Variants in TRIM34 observed in about 807,000 individuals in gnomAD.
TRIM34 encodes E3 ubiquitin-protein ligase TRIM34.
In TRIM34, 41 loss-of-function variants were observed where a neutral mutation model predicts 38.1. That is an observed-to-expected ratio of 1.08 (90% CI 0.84 to 1.40). The LOEUF (loss-of-function observed/expected upper bound fraction) is 1.40, where lower values mean the gene tolerates loss of function less well. Ranked by LOEUF, TRIM34 falls within the 40% of genes most tolerant of loss-of-function variation. TRIM34 has a pLI of 0.00. For missense variants in TRIM34, 556 were observed against 571.4 expected, an observed-to-expected ratio of 0.97 and a Z score of 0.27; for synonymous variants, 200 against 202.5, an observed-to-expected ratio of 0.99 and a Z score of 0.10.
At position 5,633,788 on chromosome 11, in the gene TRIM34, G is replaced by T. The variant is rs762930263; in HGVS notation, c.424-16G>T. ...AAAGCTTATAGCTTGACTGTAGTGTGATTCCCTTCTCATAGGAGAAACTCC... is the reference window on the plus strand; with the variant it reads ...AAAGCTTATAGCTTGACTGTAGTGTTATTCCCTTCTCATAGGAGAAACTCC... On this transcript the variant is annotated splice_polypyrimidine_tract_variant and intron_variant, in intron 2 of 7. Transcript: ENST00000429814. 1.6e-5 allele frequency: 26 copies of T among 1,611,788 alleles called. No individual in the cohort carries two copies. The highest frequency in any genetic ancestry group is 1.7e-4 in the Middle Eastern group (1 of 6,042).
At chr11:5,623,308 G>GGTTC (rs1849061018), upstream of TRIM34, among the ~76,000 whole-genome samples, 2 of 151,776 alleles carry the variant, frequency 1.3e-5, no homozygotes. Flanking sequence ...AAAGTATTAG[G>GGTTC]TTGGTACAAA....
At chr11:5,621,058 G>A (rs1406672719), upstream of TRIM34, among the ~76,000 whole-genome samples, 1 of 152,178 alleles carries the variant, frequency 6.6e-6, no homozygotes, top group African/African-American at 2.4e-5. Flanking sequence ...GTTTCTCTAT[G>A]TGTAGACACA....
intron 2 of TRIM34, 137 bp downstream of exon 2, chr11:5,632,891 C>T: frequency 1.7e-6 from 2 of 1,201,776 alleles, no homozygotes; most frequent in Non-Finnish European, 2.1e-6. Context: ...CAGTGGCGTG[C>T]TCTCGGCTCA....
intron 1 of TRIM34, among the ~76,000 whole-genome samples, chr11:5,627,708 T>C (rs1849306673): frequency 6.6e-6 from 1 of 152,130 alleles, no homozygotes. Flanking sequence ...CACAGAGGAA[T>C]GGGGAGGAGA....
At chr11:5,630,575 G>A (rs777648853) in intron 1 of TRIM34, among the ~76,000 whole-genome samples, 12 of 151,778 alleles carry the variant, frequency 7.9e-5, no homozygotes, top group Non-Finnish European at 1.5e-4. Context: ...CTCCATGAAC[G>A]GGGCATTCAC....
chr11:5,640,326 T>C (rs1849952687), intron 4 of TRIM34, among the ~76,000 whole-genome samples: 1 of 151,096 alleles, frequency 6.6e-6, no homozygotes, highest in Non-Finnish European at 1.5e-5. Flanking sequence ...CCTGTTTTGT[T>C]TTGTTTTTTT....
intron 4 of TRIM34, among the ~76,000 whole-genome samples, chr11:5,635,654 C>T (rs1465202042): frequency 6.6e-6 from 1 of 152,130 alleles, no homozygotes; most frequent in African/African-American, 2.4e-5. Context: ...CCTTTCTTTG[C>T]TGAATTTCCA....
chr11:5,632,774 G>C lies in TRIM34; in HGVS notation c.423+20G>C. Reference sequence around the variant, plus strand: ...TGTCAGGTAGGGCCCTAGATGGAGGGAGATGGGGCAGAAGATGGTAGTTGG... The same window carrying C: ...TGTCAGGTAGGGCCCTAGATGGAGGCAGATGGGGCAGAAGATGGTAGTTGG... On this transcript the variant is annotated intron_variant, in intron 2 of 7. Transcript: ENST00000429814. 1 of 1,570,092 alleles carries C rather than the reference G, an allele frequency of 6.4e-7. No individual in the cohort carries two copies.
At chr11:5,625,916 T>C (rs556272321) in intron 1 of TRIM34, among the ~76,000 whole-genome samples, 1 of 152,402 alleles carries the variant, frequency 6.6e-6, no homozygotes, top group Admixed American at 6.5e-5. Flanking sequence ...TTGTTCATTG[T>C]GGGCTCAGAA....
intron 3 of TRIM34, 141 bp from the exon 4 acceptor site, chr11:5,634,490 A>AAC (rs1408037453): frequency 2.8e-6 from 1 of 358,322 alleles, no homozygotes; most frequent in Non-Finnish European, 4.1e-6. Context: ...AGATAATATA[A>AAC]ATACACACAC....
intron 4 of TRIM34, among the ~76,000 whole-genome samples, chr11:5,638,257 A>C (rs1054559627): frequency 1.3e-5 from 2 of 152,234 alleles, no homozygotes; most frequent in African/African-American, 4.8e-5. Context: ...AGTTGCTATC[A>C]ACTAAAATCT....
At chr11:5,629,103 C>T (rs771141735) in intron 1 of TRIM34, among the ~76,000 whole-genome samples, 2 of 152,024 alleles carry the variant, frequency 1.3e-5, no homozygotes, top group Non-Finnish European at 2.9e-5. Context: ...ATGGTGAAAC[C>T]CCGTCTCTAC....
In TRIM34 at chr11:5,634,835, C is replaced by A. The variant is rs756928577; in HGVS notation, c.724C>A (p.Gln242Lys). 1.9e-6 allele frequency: 3 copies of A among 1,612,940 alleles called. No individual in the cohort carries two copies. In the South Asian group the frequency reaches 3.3e-5, roughly 18 times the overall value. ...ELISDVECRS[Q>K]WSTMELLQDM... The stretch of plus-strand genomic sequence containing the variant: ...CATCTCAGATGTGGAGTGTCGGAGT[C>A]AGTGGTCAACAATGGAGCTGCTGCA... Residue 242 changes from glutamine to lysine, a missense_variant, in exon 4 of 8, where the codon CAG (glutamine) becomes AAG (lysine). Physicochemically the swap from Gln to Lys is moderately conservative, Grantham distance 53 (BLOSUM62 1). Coordinates refer to ENST00000429814, the MANE Select transcript of TRIM34 (RefSeq NM_021616.6).
upstream of TRIM34, among the ~76,000 whole-genome samples, chr11:5,621,054 C>G (rs1276283713): frequency 6.6e-6 from 1 of 152,208 alleles, no homozygotes; most frequent in Non-Finnish European, 1.5e-5. Context: ...GGCAGTTTCT[C>G]TATGTGTAGA....
At position 5,642,400 on chromosome 11, in the gene TRIM34, C is replaced by T; in HGVS notation, c.774-6C>T. The stretch of plus-strand genomic sequence containing the variant: ...GTGGGGGTCAAAAAATTTTTTTCAT[C>T]CCTAGGAGTGAGATCTGGAGGCTGA... On this transcript the variant is annotated splice_polypyrimidine_tract_variant and splice_region_variant and intron_variant, in intron 5 of 7. Coordinates refer to ENST00000429814, the MANE Select transcript of TRIM34 (RefSeq NM_021616.6). The T allele has an allele frequency of 6.2e-7, 1 of 1,611,192 alleles. No homozygotes were observed. Among genetic ancestry groups the T allele is most frequent in the Non-Finnish European group, 8.5e-7 (1 of 1,179,384 alleles).
At chr11:5,624,155 A>T (rs1227567897), upstream of TRIM34, among the ~76,000 whole-genome samples, 2 of 152,150 alleles carry the variant, frequency 1.3e-5, no homozygotes, top group Admixed American at 1.3e-4. Flanking sequence ...CAGGGCACAA[A>T]ACTCCTGATT....
At chr11:5,626,065 C>A (rs1438291047) in intron 1 of TRIM34, among the ~76,000 whole-genome samples, 2 of 152,158 alleles carry the variant, frequency 1.3e-5, no homozygotes, top group Non-Finnish European at 2.9e-5. Context: ...CTGCTCTCAC[C>A]CTTCAGAGTT....
intron 1 of TRIM34, among the ~76,000 whole-genome samples, chr11:5,625,966 T>C (rs1256357989): frequency 6.6e-6 from 1 of 152,270 alleles, no homozygotes; most frequent in African/African-American, 2.4e-5. Context: ...GAATTTGATA[T>C]AGAGTATGTC....
chr11:5,627,652 G>A (rs1184035993), intron 1 of TRIM34, among the ~76,000 whole-genome samples: 2 of 152,194 alleles, frequency 1.3e-5, no homozygotes, highest in Non-Finnish European at 2.9e-5. Context: ...ATGTGGTATA[G>A]ATTGGGCCCT....
Sources: gnomAD v4.1 joint callset for allele counts (sites outside exome capture counted in the v4.1 genomes callset) on GRCh38, gnomAD v4.1.1 for gene constraint, MANE v1.5 for transcripts, NCBI Gene and HGNC (gene_info 2026-07-23, HGNC 2026-07-21) for gene names.